The following ADK variants were observed in gnomAD, a reference collection of about 807,000 sequenced individuals.
ADK encodes the protein N6,N6-dimethyladenosine kinase.
A neutral mutation model predicts 44.7 loss-of-function variants in ADK; 24 were observed. The ratio of observed to expected loss-of-function variants is 0.54; its 90% CI spans 0.39 to 0.76. The LOEUF is 0.76. Among genes scored for constraint, ADK ranks in the 30% least tolerant of loss-of-function variants. The probability of loss-of-function intolerance (pLI) is 0.00; values close to 1 mark genes in which losing one functional copy is unlikely to be tolerated. For missense variants in ADK, 321 were observed against 425.1 expected (o/e 0.76, Z 2.15); for synonymous variants, 128 against 142.6 (o/e 0.90, Z 0.73).
At chr10:74,387,521 G>A (rs1402287106) in intron 4 of ADK, among the ~76,000 whole-genome samples, 1 of 152,148 alleles carries the variant, frequency 6.6e-6, no homozygotes, top group Non-Finnish European at 1.5e-5. Context: ...GGAGGCATGT[G>A]CTATATGCTG....
At chr10:74,442,569 C>T (rs1845456754) in intron 6 of ADK, among the ~76,000 whole-genome samples, 1 of 152,154 alleles carries the variant, frequency 6.6e-6, no homozygotes, top group African/African-American at 2.4e-5. Context: ...TCGCTCAAAC[C>T]CAGGAGGTGG....
At chr10:74,213,966 T>G (rs1843925141) in intron 2 of ADK, among the ~76,000 whole-genome samples, 1 of 152,220 alleles carries the variant, frequency 6.6e-6, no homozygotes, top group African/African-American at 2.4e-5. Context: ...CAATTATCAG[T>G]AAAATTTTTA....
At chr10:74,677,004 G>T (rs1301066168) in intron 10 of ADK, among the ~76,000 whole-genome samples, 1 of 152,148 alleles carries the variant, frequency 6.6e-6, no homozygotes, top group Admixed American at 6.5e-5. Flanking sequence ...CAGCACTTTG[G>T]GAGGCCAAGG....
chr10:74,355,397 A>G (rs906883233), intron 4 of ADK, among the ~76,000 whole-genome samples: 3 of 152,270 alleles, frequency 2.0e-5, no homozygotes, highest in South Asian at 2.1e-4. Context: ...AATATTTCAG[A>G]TAGTACATAA....
chr10:74,182,711 G>A (rs4745740), intron 1 of ADK, among the ~76,000 whole-genome samples: 30,560 of 151,972 alleles, frequency 0.2, 4,086 homozygotes, highest in African/African-American at 0.38. Flanking sequence ...TCCTATTTAT[G>A]AATAGGTCAC....
chr10:74,454,588 G>A (rs1845877813), intron 6 of ADK, among the ~76,000 whole-genome samples: 1 of 151,928 alleles, frequency 6.6e-6, no homozygotes, highest in African/African-American at 2.4e-5. Context: ...TGGTATAGGA[G>A]AGGAAAAAAA....
chr10:74,356,595 C>A (rs116908628), intron 4 of ADK, among the ~76,000 whole-genome samples: 1,643 of 152,042 alleles, frequency 0.011, 29 homozygotes, highest in Non-Finnish European at 0.012. Context: ...TCATTTTGTA[C>A]CAAGAGAATA....
intron 3 of ADK, among the ~76,000 whole-genome samples, chr10:74,296,043 T>C (rs144057619): frequency 2.0e-5 from 3 of 150,666 alleles, no homozygotes; most frequent in African/African-American, 7.3e-5. Context: ...GATGTATGTT[T>C]TCTATTTCCA....
At chr10:74,470,201 C>A (rs1203363266) in intron 6 of ADK, among the ~76,000 whole-genome samples, 1 of 151,584 alleles carries the variant, frequency 6.6e-6, no homozygotes, top group Non-Finnish European at 1.5e-5. Context: ...ATTTTTATAT[C>A]TTTAGTGGAG....
intron 7 of ADK, among the ~76,000 whole-genome samples, chr10:74,570,619 GA>G (rs1438529107): frequency 6.6e-6 from 1 of 152,154 alleles, no homozygotes; most frequent in Non-Finnish European, 1.5e-5. Context: ...GAATGCTTGT[GA>G]TTTTTGCATA....
rs538280198 is a variant in ADK at position 74,447,189 on chromosome 10, C to CA, written c.555+48616dup. Among the ~76,000 whole-genome samples, 4 of 152,004 alleles carry CA rather than the reference C, an allele frequency of 2.6e-5. No individual in the cohort carries two copies. In the South Asian group the frequency reaches 8.3e-4, roughly 32 times the overall value. ...CCTCACAGAAAAGAATTGAAAACCC[C>CA]AAAAAACCAATGAGACCAAGGGGCT... is the stretch of plus-strand genomic sequence containing the variant. On this transcript the variant is annotated intron_variant, in intron 6 of 10. Transcript: ENST00000539909.
At chr10:74,386,692 T>C (rs2132022761) in intron 4 of ADK, among the ~76,000 whole-genome samples, 1 of 152,334 alleles carries the variant, frequency 6.6e-6, no homozygotes, top group Admixed American at 6.5e-5. Context: ...TGATCTGGCC[T>C]ACATCTACCT....
At position 74,391,652 on chromosome 10, in the gene ADK, TACACACACACAC is replaced by T. The variant is rs71475280; in HGVS notation, c.274-2455_274-2444del. ...AATTCAGGAGTTCGAGGCAAGAATA[TACACACACACAC>T]ACACACACACACACACACACACACA... On this transcript the variant is annotated intron_variant, in intron 4 of 10. Coordinates refer to ENST00000539909, the MANE Select transcript of ADK (RefSeq NM_006721.4). 1.6e-4 allele frequency among the ~76,000 whole-genome samples: 12 copies of T among 74,302 alleles called. No homozygotes were observed. The South Asian group carries it at 1.8e-3, about 11-fold the overall frequency. The allele number at this position is 74,302 out of a possible 152,430, so 48.7% of individuals were successfully genotyped here.
chr10:74,303,152 A>C (rs1840117319), intron 3 of ADK, among the ~76,000 whole-genome samples: 1 of 152,386 alleles, frequency 6.6e-6, no homozygotes, highest in African/African-American at 2.4e-5. Context: ...ATGAAACACA[A>C]TAATGAGATA....
Position 74,639,843 on chromosome 10 carries a change from G to GACTCTGTCT in ADK, c.878-30340_878-30339insACTCTGTCT, listed in dbSNP as rs1447386101. Among the ~76,000 whole-genome samples the GACTCTGTCT allele has an allele frequency of 1.2e-3, 185 of 152,278 alleles. 3 individuals carry two copies. The East Asian group carries it at 0.025, about 21-fold the overall frequency. ...AGAGCGAGCAAGAGCAGGCGAGCAAGCGAGACTCCATCTCAAAACAAAAAA... is the reference window on the plus strand; with the variant it reads ...AGAGCGAGCAAGAGCAGGCGAGCAAGACTCTGTCTCGAGACTCCATCTCAAAACAAAAAA... On this transcript the variant is annotated intron_variant, in intron 9 of 10. Transcript: ENST00000539909.
chr10:74,573,501 T>A (rs372423869), intron 7 of ADK, among the ~76,000 whole-genome samples: 1 of 152,214 alleles, frequency 6.6e-6, no homozygotes, highest in African/African-American at 2.4e-5. Flanking sequence ...CAGATCTCCA[T>A]CTGCGTGCTG....
At chr10:74,494,711 G>T (rs1005120080) in intron 6 of ADK, among the ~76,000 whole-genome samples, 4 of 151,776 alleles carry the variant, frequency 2.6e-5, no homozygotes, top group African/African-American at 9.7e-5. Flanking sequence ...TGCCCAGGCT[G>T]GAGTGCAGTG....
At chr10:74,679,786 AC>A (rs1457539306) in intron 10 of ADK, among the ~76,000 whole-genome samples, 1 of 151,526 alleles carries the variant, frequency 6.6e-6, no homozygotes, top group African/African-American at 2.4e-5. Context: ...ACATGATGAA[AC>A]CCTATCTCTA....
At chr10:74,669,176 G>T (rs1855080569) in intron 9 of ADK, among the ~76,000 whole-genome samples, 1 of 152,144 alleles carries the variant, frequency 6.6e-6, no homozygotes, top group Non-Finnish European at 1.5e-5. Flanking sequence ...GGTAGCAAAA[G>T]CTAGACAGAA....
Sources: allele counts gnomAD v4.1 joint callset (sites outside exome capture counted in the v4.1 genomes callset), GRCh38; gene constraint gnomAD v4.1.1; transcripts MANE v1.5; gene names NCBI Gene and HGNC (gene_info 2026-07-23, HGNC 2026-07-21).